Variants in STMN4 observed in about 807,000 individuals in gnomAD.
STMN4 encodes stathmin 4, also known as stathmin-4.
Under a neutral mutation model 29.1 loss-of-function variants are expected in STMN4, and 12 were observed. The ratio of observed to expected loss-of-function variants is 0.41; its 90% CI spans 0.26 to 0.67. The LOEUF (loss-of-function observed/expected upper bound fraction) is 0.67, where lower values mean the gene tolerates loss of function less well. STMN4 is among the 30% of genes least tolerant of loss of function. The pLI, the probability that STMN4 is intolerant of heterozygous loss-of-function variation, is 0.30. For synonymous variants in STMN4, 114 were observed against 105.3 expected (o/e 1.08, Z -0.51); for missense variants, 181 against 262.8 (o/e 0.69, Z 2.15).
chr8:27,240,957 G>A, intron 5 of STMN4, 97 bp downstream of exon 5: 1 of 1,211,820 alleles, frequency 8.3e-7, no homozygotes, highest in Non-Finnish European at 1.1e-6. Context: ...TTGCAGATTG[G>A]TGATGAGCTT....
At chr8:27,239,557 A>C (rs1471082741) in intron 6 of STMN4, 6 of 796,272 alleles carry the variant, frequency 7.5e-6, no homozygotes, top group Non-Finnish European at 1.1e-5. Context: ...ATCTCAGCTC[A>C]TCATACCCGT....
chr8:27,242,256 C>T, intron 3 of STMN4, 141 bp downstream of exon 3: 1 of 856,184 alleles, frequency 1.2e-6, no homozygotes, highest in Non-Finnish European at 1.8e-6. Flanking sequence ...CTCGGGCTCA[C>T]CCGCTGTGAT....
chr8:27,247,978 T>C (rs1232028516), intron 1 of STMN4, among the ~76,000 whole-genome samples: 1 of 152,172 alleles, frequency 6.6e-6, no homozygotes, highest in Non-Finnish European at 1.5e-5. Context: ...ATTCATTGCA[T>C]CCAGCAGCAA....
At chr8:27,237,083 G>A (rs967199921) in intron 6 of STMN4, among the ~76,000 whole-genome samples, 178 bp from the exon 7 acceptor site, 18 of 152,162 alleles carry the variant, frequency 1.2e-4, no homozygotes, top group African/African-American at 3.6e-4. Flanking sequence ...CAGGAGGCAG[G>A]GGGCAAGCCT....
intron 1 of STMN4, among the ~76,000 whole-genome samples, chr8:27,254,584 A>G (rs1359067388): frequency 6.6e-6 from 1 of 151,472 alleles, no homozygotes; most frequent in Non-Finnish European, 1.5e-5. Flanking sequence ...GGGGAGGGAT[A>G]GGTATGCCTA....
intron 6 of STMN4, among the ~76,000 whole-genome samples, chr8:27,238,378 G>A (rs1801369761): frequency 6.6e-6 from 1 of 152,298 alleles, no homozygotes; most frequent in Non-Finnish European, 1.5e-5. Flanking sequence ...GTGGGTAAAG[G>A]GGAGCAGGGG....
At chr8:27,248,445 G>A (rs1413629035) in intron 1 of STMN4, among the ~76,000 whole-genome samples, 1 of 152,174 alleles carries the variant, frequency 6.6e-6, no homozygotes, top group Non-Finnish European at 1.5e-5. Flanking sequence ...TGGGCTGCAT[G>A]CAGGGTGCAG....
At chr8:27,241,318 C>A in intron 4 of STMN4, 56 bp from the exon 5 acceptor site, 2 of 1,607,146 alleles carry the variant, frequency 1.2e-6, no homozygotes, top group Non-Finnish European at 1.7e-6. Context: ...AGGCACCCAG[C>A]AAGCATGCGG....
intron 1 of STMN4, among the ~76,000 whole-genome samples, chr8:27,253,485 G>A (rs1347277147): frequency 6.6e-6 from 1 of 152,156 alleles, no homozygotes; most frequent in Non-Finnish European, 1.5e-5. Context: ...TATCGTTATT[G>A]AGTTCTTTCT....
At chr8:27,255,659 T>C (rs866060256) in intron 1 of STMN4, among the ~76,000 whole-genome samples, 1 of 152,230 alleles carries the variant, frequency 6.6e-6, no homozygotes, top group Admixed American at 6.5e-5. Flanking sequence ...TCAAATACCC[T>C]ATTCTCTGAA....
intron 6 of STMN4, among the ~76,000 whole-genome samples, chr8:27,238,628 G>C (rs12550034): frequency 0.13 from 19,539 of 152,232 alleles, 1,743 homozygotes; most frequent in East Asian, 0.36. Context: ...GATGACAAAA[G>C]GCTGGCAGGA....
intron 4 of STMN4, 38 bp downstream of exon 4, chr8:27,241,639 G>C (rs1801476094): frequency 1.2e-6 from 2 of 1,610,890 alleles, no homozygotes; most frequent in Non-Finnish European, 8.5e-7. Context: ...CCCATCTGAC[G>C]CTCGGCCTGC....
At chr8:27,248,403 AC>A (rs1801689636) in intron 1 of STMN4, among the ~76,000 whole-genome samples, 1 of 152,054 alleles carries the variant, frequency 6.6e-6, no homozygotes, top group Non-Finnish European at 1.5e-5. Flanking sequence ...AGGGATGTGG[AC>A]TGGGTTTACT....
chr8:27,241,639 G>A (rs1801476094), intron 4 of STMN4, 38 bp downstream of exon 4: 1 of 1,610,890 alleles, frequency 6.2e-7, no homozygotes, highest in African/African-American at 1.3e-5. Flanking sequence ...CCCATCTGAC[G>A]CTCGGCCTGC....
chr8:27,254,710 G>C (rs1445855803), intron 1 of STMN4, among the ~76,000 whole-genome samples: 21 of 144,638 alleles, frequency 1.5e-4, no homozygotes, highest in African/African-American at 4.9e-4. Flanking sequence ...ACTCATATAT[G>C]TGTGTGTAGG....
intron 1 of STMN4, among the ~76,000 whole-genome samples, chr8:27,244,431 C>T (rs965313285): frequency 6.6e-6 from 1 of 152,170 alleles, no homozygotes. Flanking sequence ...AGCCAGCACA[C>T]CACCAGAAAT....
intron 2 of STMN4, 99 bp from the exon 3 acceptor site, chr8:27,242,591 A>C: frequency 8.2e-7 from 1 of 1,226,352 alleles, no homozygotes; most frequent in Non-Finnish European, 1.2e-6. Context: ...GGGTTCCATA[A>C]AGGCACTCAA....
chr8:27,235,756 C>T lies in STMN4; in HGVS notation c.*1090G>A, dbSNP rs569019664. 2 of 152,248 alleles carry T rather than the reference C, an allele frequency of 1.3e-5. No homozygotes were observed. The highest frequency in any genetic ancestry group is 4.8e-5 in the African/African-American group (2 of 41,534). 9.4% of individuals were successfully genotyped at this position (152,248 alleles called of 1,614,324 possible). On this transcript the variant is annotated 3_prime_UTR_variant, in exon 7 of 7. Coordinates refer to ENST00000350889, the MANE Select transcript of STMN4 (RefSeq NM_030795.4). Reference sequence around the variant, plus strand: ...GGATTAGTGCCTTAAAGAAAAGGCTCAAGGAAGCCCTTTTGCCCTTCCCTT... The same window carrying T: ...GGATTAGTGCCTTAAAGAAAAGGCTTAAGGAAGCCCTTTTGCCCTTCCCTT...
At chr8:27,257,807 AG>A (rs1022746782) in intron 1 of STMN4, among the ~76,000 whole-genome samples, 21 of 152,178 alleles carry the variant, frequency 1.4e-4, no homozygotes, top group African/African-American at 5.1e-4. Context: ...GGCTGACCTC[AG>A]GGTGGGGCGG....
Sources: gnomAD v4.1 joint callset for allele counts (sites outside exome capture counted in the v4.1 genomes callset) on GRCh38, gnomAD v4.1.1 for gene constraint, MANE v1.5 for transcripts, NCBI Gene and HGNC (gene_info 2026-07-23, HGNC 2026-07-21) for gene names.